The following GRM7 variants were observed in gnomAD, a reference collection of about 807,000 sequenced individuals.
GRM7 encodes the protein metabotropic glutamate receptor 7.
Under a neutral mutation model 84.5 loss-of-function variants are expected in GRM7, and 35 were observed. That is an observed-to-expected ratio of 0.41 (90% CI 0.32 to 0.55). The LOEUF is 0.55. Among genes scored for constraint, GRM7 ranks in the 20% least tolerant of loss-of-function variants. The pLI is 0.19. For missense variants in GRM7, 1,003 were observed against 1,194.6 expected, an observed-to-expected ratio of 0.84 and a Z score of 2.36; for synonymous variants, 487 against 455.1, an observed-to-expected ratio of 1.07 and a Z score of -0.89.
Position 7,238,996 on chromosome 3 carries a change from C to CTTT in GRM7, c.737-59688_737-59687insTTT, listed in dbSNP as rs567509392. ...TTCTTTTCCCTTTCTTTTCTTTTTT[C>CTTT]CTTTTTCTTTTTTTTGACATGGTCT... On this transcript the variant is annotated intron_variant, in intron 2 of 9. Transcript: ENST00000357716. Among the ~76,000 whole-genome samples, 69 of 118,358 alleles carry CTTT rather than the reference C, an allele frequency of 5.8e-4. 8 individuals carry two copies. Among genetic ancestry groups the CTTT allele is most frequent in the African/African-American group, 1.4e-3 (44 of 30,446 alleles). The allele number at this position is 118,358 out of a possible 152,430, so 77.6% of individuals were successfully genotyped here. A position where few individuals can be genotyped will look rare whatever the true frequency, so the allele number is the denominator to read the frequency against.
chr3:7,414,443 T>A (rs1047871404), intron 4 of GRM7, among the ~76,000 whole-genome samples: 1 of 152,134 alleles, frequency 6.6e-6, no homozygotes, highest in Non-Finnish European at 1.5e-5. Context: ...CTTTTTCCAC[T>A]CTGACTCTCT....
intron 2 of GRM7, among the ~76,000 whole-genome samples, chr3:7,207,560 A>T (rs951382473): frequency 9.9e-5 from 15 of 152,196 alleles, no homozygotes; most frequent in African/African-American, 1.9e-4. Context: ...CCCAGTCTTC[A>T]TCTAACATGT....
chr3:7,505,822 A>C (rs1700023699), intron 7 of GRM7, among the ~76,000 whole-genome samples: 1 of 152,172 alleles, frequency 6.6e-6, no homozygotes. Flanking sequence ...CTGTGATGGG[A>C]AAGGCAGCCT....
intron 2 of GRM7, among the ~76,000 whole-genome samples, chr3:7,227,011 TGGA>T (rs1233222866): frequency 1.3e-5 from 2 of 152,166 alleles, no homozygotes; most frequent in Non-Finnish European, 2.9e-5. Context: ...TAAGATTTAC[TGGA>T]GGTTAAAAAT....
chr3:7,570,172 C>G (rs1383103553), intron 7 of GRM7, among the ~76,000 whole-genome samples: 3 of 152,120 alleles, frequency 2.0e-5, no homozygotes, highest in South Asian at 2.1e-4. Flanking sequence ...GGTGGGGATA[C>G]AGCCAAACCA....
chr3:7,304,829 T>G (rs1334968265), intron 3 of GRM7, among the ~76,000 whole-genome samples: 1 of 152,216 alleles, frequency 6.6e-6, no homozygotes, highest in Non-Finnish European at 1.5e-5. Context: ...TCCCATATAT[T>G]ATCTCTGCTC....
intron 4 of GRM7, among the ~76,000 whole-genome samples, chr3:7,343,819 T>C (rs1166868484): frequency 6.6e-6 from 1 of 152,198 alleles, no homozygotes; most frequent in African/African-American, 2.4e-5. Context: ...TTGCCCTTTT[T>C]ATTGTTCTTT....
chr3:7,094,901 A>G (rs6804571), intron 1 of GRM7, among the ~76,000 whole-genome samples: 82,718 of 151,920 alleles, frequency 0.54, 24,591 homozygotes, highest in African/African-American at 0.8. Flanking sequence ...AATACATTAC[A>G]GTATTTAGCC....
Position 6,928,634 on chromosome 3 carries a change from T to C in GRM7, c.519+66727T>C, listed in dbSNP as rs1160931366. Reference sequence around the variant, plus strand: ...CAACTTTTTCATTATAGCCCAGATTTTGCCAGGCAAACAACTTGATAGAAT... The same window carrying C: ...CAACTTTTTCATTATAGCCCAGATTCTGCCAGGCAAACAACTTGATAGAAT... On this transcript the variant is annotated intron_variant, in intron 1 of 9. Transcript: ENST00000357716. This position sits in a 1 kb window ranked among gnomAD's most constrained non-coding sequence, Gnocchi z 4.5. 6.6e-6 allele frequency among the ~76,000 whole-genome samples: 1 copy of C among 152,210 alleles called. No individual in the cohort carries two copies. The highest frequency in any genetic ancestry group is 1.5e-5 in the Non-Finnish European group (1 of 68,032).
chr3:7,247,584 A>C (rs1267954657), intron 2 of GRM7, among the ~76,000 whole-genome samples: 1 of 146,370 alleles, frequency 6.8e-6, no homozygotes, highest in Non-Finnish European at 1.5e-5. Context: ...ATAGAATGAG[A>C]CACTCTCTCT....
chr3:7,169,837 T>C (rs922295220), intron 2 of GRM7, among the ~76,000 whole-genome samples: 3 of 152,194 alleles, frequency 2.0e-5, no homozygotes, highest in African/African-American at 4.8e-5. Flanking sequence ...CTACCCAAGA[T>C]ATAATAGTTC....
intron 8 of GRM7, among the ~76,000 whole-genome samples, chr3:7,612,613 G>C (rs1238038073): frequency 2.0e-5 from 3 of 152,162 alleles, no homozygotes. Context: ...TCAAACACTG[G>C]GCTGGCATGA....
At chr3:7,579,783 C>T (rs146335335) in intron 8 of GRM7, among the ~76,000 whole-genome samples, 16 of 152,304 alleles carry the variant, frequency 1.1e-4, no homozygotes, top group East Asian at 1.9e-4. Context: ...AATGCTCTCT[C>T]GCTCTTCCAA....
At chr3:7,183,377 G>C (rs551672315) in intron 2 of GRM7, among the ~76,000 whole-genome samples, 122 of 152,030 alleles carry the variant, frequency 8.0e-4, no homozygotes, top group African/African-American at 2.7e-3. Context: ...CTGTAATCCC[G>C]GCACTTTGGG....
intron 1 of GRM7, among the ~76,000 whole-genome samples, chr3:6,918,512 A>T (rs11915389): frequency 0.12 from 17,566 of 152,138 alleles, 1,151 homozygotes; most frequent in East Asian, 0.2. Flanking sequence ...TCCTTGGAGA[A>T]AGTTTCTTAA....
chr3:7,689,071 A>G (rs1173276641), intron 9 of GRM7, among the ~76,000 whole-genome samples: 1 of 152,224 alleles, frequency 6.6e-6, no homozygotes, highest in African/African-American at 2.4e-5. Flanking sequence ...AATAAAAAGC[A>G]CAATTAATCT....
intron 2 of GRM7, among the ~76,000 whole-genome samples, chr3:7,275,680 G>A (rs1412283628): frequency 6.6e-6 from 1 of 152,134 alleles, no homozygotes; most frequent in Non-Finnish European, 1.5e-5. Flanking sequence ...TGTTTAGCTA[G>A]TTTCTTCTGA....
chr3:7,192,262 G>T (rs918048058), intron 2 of GRM7, among the ~76,000 whole-genome samples: 1 of 152,008 alleles, frequency 6.6e-6, no homozygotes, highest in African/African-American at 2.4e-5. Context: ...ATCTAATTTA[G>T]GTGGTACAAG....
intron 4 of GRM7, among the ~76,000 whole-genome samples, chr3:7,338,044 T>C (rs529880611): frequency 6.6e-6 from 1 of 151,774 alleles, no homozygotes; most frequent in African/African-American, 2.4e-5. Context: ...ATGTGGGATA[T>C]ATATAAATAT....
Sources: gnomAD v4.1 joint callset for allele counts (sites outside exome capture counted in the v4.1 genomes callset) on GRCh38, gnomAD v4.1.1 for gene constraint, Gnocchi (gnomAD v3.1) non-coding constraint, MANE v1.5 for transcripts, NCBI Gene and HGNC (gene_info 2026-07-23, HGNC 2026-07-21) for gene names.